Variants in MICU3 observed in about 807,000 individuals in gnomAD.
MICU3 encodes calcium uptake protein 3, mitochondrial.
A neutral mutation model predicts 66.5 loss-of-function variants in MICU3; 62 were observed. The ratio of observed to expected loss-of-function variants is 0.93; its 90% CI spans 0.76 to 1.15. The LOEUF (loss-of-function observed/expected upper bound fraction) is 1.15, where lower values mean the gene tolerates loss of function less well. MICU3 is among the 50% of genes most tolerant of loss of function. MICU3 has a pLI of 0.00. For missense variants in MICU3, 779 were observed against 664.4 expected, an observed-to-expected ratio of 1.17 and a Z score of -1.90; for synonymous variants, 308 against 240.7, an observed-to-expected ratio of 1.28 and a Z score of -2.59.
At chr8:17,036,838 T>C (rs570717506) in intron 1 of MICU3, among the ~76,000 whole-genome samples, 2 of 152,286 alleles carry the variant, frequency 1.3e-5, no homozygotes, top group African/African-American at 4.8e-5. Context: ...CCTTGGGTGG[T>C]CGATGGCACT....
At chr8:17,110,462 C>A (rs7832921) in intron 11 of MICU3, among the ~76,000 whole-genome samples, 27,266 of 152,012 alleles carry the variant, frequency 0.18, 2,668 homozygotes, top group African/African-American at 0.24. Context: ...ACTCTGCTTT[C>A]TGTCTCTGTG....
intron 4 of MICU3, among the ~76,000 whole-genome samples, chr8:17,080,367 G>T (rs1353227152): frequency 1.3e-5 from 2 of 151,914 alleles, no homozygotes; most frequent in Non-Finnish European, 2.9e-5. Flanking sequence ...CTTTCCTTGA[G>T]GGAAATCTTG....
chr8:17,108,226 C>T (rs1462709504), intron 11 of MICU3, among the ~76,000 whole-genome samples: 1 of 152,024 alleles, frequency 6.6e-6, no homozygotes, highest in Non-Finnish European at 1.5e-5. Flanking sequence ...TTTTAGATTC[C>T]TAATAGTTAT....
chr8:17,116,953 T>G (rs1802741873), intron 13 of MICU3, among the ~76,000 whole-genome samples: 1 of 152,132 alleles, frequency 6.6e-6, no homozygotes, highest in Non-Finnish European at 1.5e-5. Flanking sequence ...TATCACTATT[T>G]GTCACTTTAT....
the MICU3 span, among the ~76,000 whole-genome samples, chr8:17,137,964 C>G: frequency 2.6e-5 from 4 of 151,892 alleles, no homozygotes; most frequent in African/African-American, 7.2e-5. Context: ...ATCCGCCTGC[C>G]TCAGCCTTCC....
At chr8:17,045,927 T>C (rs761690412) in intron 1 of MICU3, among the ~76,000 whole-genome samples, 59 of 152,250 alleles carry the variant, frequency 3.9e-4, no homozygotes, top group Admixed American at 9.2e-4. Flanking sequence ...TTACCTCCCA[T>C]TGGGTCCCTC....
At chr8:17,035,791 A>G (rs1812871570) in intron 1 of MICU3, among the ~76,000 whole-genome samples, 1 of 152,202 alleles carries the variant, frequency 6.6e-6, no homozygotes, top group African/African-American at 2.4e-5. Flanking sequence ...TGATGATGTG[A>G]TAGAAAAGAA....
chr8:17,100,019 T>C (rs560188232), intron 9 of MICU3, among the ~76,000 whole-genome samples: 1 of 151,964 alleles, frequency 6.6e-6, no homozygotes, highest in Non-Finnish European at 1.5e-5. Context: ...TTCTGTAAGA[T>C]CTTTGGAAAA....
intron 3 of MICU3, among the ~76,000 whole-genome samples, chr8:17,070,068 T>G (rs1174567137): frequency 6.6e-6 from 1 of 152,072 alleles, no homozygotes; most frequent in African/African-American, 2.4e-5. Flanking sequence ...TGCATGCGCA[T>G]GTACCTTGTA....
chr8:17,104,927 G>A (rs1356807533), intron 10 of MICU3, among the ~76,000 whole-genome samples: 1 of 38,276 alleles, frequency 2.6e-5, no homozygotes, highest in Non-Finnish European at 4.1e-5. Context: ...CCCGGGAGGC[G>A]GAGCTTGCAG....
intron 4 of MICU3, among the ~76,000 whole-genome samples, chr8:17,078,265 A>T (rs937342985): frequency 6.6e-6 from 1 of 152,060 alleles, no homozygotes; most frequent in African/African-American, 2.4e-5. Context: ...TGAATTATAG[A>T]TGCTCCTAAA....
intron 1 of MICU3, among the ~76,000 whole-genome samples, chr8:17,039,788 C>T (rs1431359431): frequency 1.3e-5 from 2 of 151,212 alleles, no homozygotes; most frequent in Non-Finnish European, 2.9e-5. Flanking sequence ...TGATATTAAC[C>T]CTATAAAATA....
chr8:17,028,051 T>C (rs540253030), intron 1 of MICU3, among the ~76,000 whole-genome samples: 8 of 152,302 alleles, frequency 5.3e-5, no homozygotes, highest in African/African-American at 1.9e-4. Context: ...AGGAGGTCTG[T>C]TGCATTAGAA....
rs980501518 is a variant in MICU3, at chr8:17,027,718, C to T, written c.381+58C>T. The T allele has an allele frequency of 4.7e-5, 59 of 1,261,096 alleles. No individual in the cohort carries two copies. The East Asian group carries it at 1.8e-3, about 38-fold the overall frequency. 78.1% of individuals were successfully genotyped at this position (1,261,096 alleles called of 1,614,324 possible). ...GGGGATGTGACCTTCGTGCCGGGTA[C>T]GCAGGACCCTGGAGGCTGTGGGGAC... On this transcript the variant is annotated intron_variant, in intron 1 of 14. Coordinates refer to ENST00000318063, the MANE Select transcript of MICU3 (RefSeq NM_181723.3).
chr8:17,050,880 T>A (rs573202325), intron 1 of MICU3, among the ~76,000 whole-genome samples: 1 of 152,140 alleles, frequency 6.6e-6, no homozygotes, highest in Non-Finnish European at 1.5e-5. Flanking sequence ...CTATCCTATT[T>A]ATTGTGATTG....
Position 17,090,488 on chromosome 8 carries a change from G to T in MICU3, c.850-58G>T, listed in dbSNP as rs769303405. The T allele has an allele frequency of 6.8e-6, 10 of 1,478,878 alleles. No homozygotes were observed. In the Admixed American group the frequency reaches 9.7e-5, roughly 14 times the overall value. 91.6% of individuals were successfully genotyped at this position (1,478,878 alleles called of 1,614,324 possible). ...CGTCTTTTTCCTTTTTTCTTTTGCT[G>T]TACTTGGGTTCATTCTGAAATATGA... On this transcript the variant is annotated intron_variant, in intron 7 of 14. Coordinates refer to ENST00000318063, the MANE Select transcript of MICU3 (RefSeq NM_181723.3).
intron 1 of MICU3, among the ~76,000 whole-genome samples, chr8:17,048,032 A>G (rs1191169905): frequency 6.6e-6 from 1 of 152,218 alleles, no homozygotes; most frequent in East Asian, 1.9e-4. Flanking sequence ...AAAGTGTTTC[A>G]TGGGGGAAAC....
intron 10 of MICU3, among the ~76,000 whole-genome samples, chr8:17,104,994 C>CA (rs746149322): frequency 0.38 from 3,254 of 8,640 alleles, 1,075 homozygotes; most frequent in Non-Finnish European, 0.4. Context: ...GACTCCGTCT[C>CA]AAAAAAAAAA....
At chr8:17,056,633 G>A (rs1816976903) in intron 1 of MICU3, among the ~76,000 whole-genome samples, 1 of 152,222 alleles carries the variant, frequency 6.6e-6, no homozygotes, top group South Asian at 2.1e-4. Flanking sequence ...GATATATAAA[G>A]GAAATCACTA....
Sources: gnomAD v4.1 joint callset for allele counts (sites outside exome capture counted in the v4.1 genomes callset) on GRCh38, gnomAD v4.1.1 for gene constraint, MANE v1.5 for transcripts, NCBI Gene and HGNC (gene_info 2026-07-23, HGNC 2026-07-21) for gene names.